Variants in PCDHA3 observed in about 807,000 individuals in gnomAD.
PCDHA3 encodes protocadherin alpha-3.
PCDHA3 carries 41 observed loss-of-function variants against 62.2 expected under a neutral mutation model. The ratio of observed to expected loss-of-function variants is 0.66; its 90% CI spans 0.51 to 0.86. PCDHA3 has a LOEUF of 0.86. PCDHA3 is among the 40% of genes least tolerant of loss of function. PCDHA3 has a pLI of 0.00. For synonymous variants in PCDHA3, 640 were observed against 555.4 expected, an observed-to-expected ratio of 1.15 and a Z score of -2.14; for missense variants, 1,304 against 1,241.2, an observed-to-expected ratio of 1.05 and a Z score of -0.76.
chr5:140,920,387 A>G (rs1163833842), intron 1 of PCDHA3, among the ~76,000 whole-genome samples: 3 of 152,098 alleles, frequency 2.0e-5, no homozygotes, highest in African/African-American at 7.2e-5. Context: ...TCATATTACC[A>G]TCTGGTGTCT....
At chr5:140,829,894 A>C (rs201316180) in intron 1 of PCDHA3, 21 of 1,613,840 alleles carry the variant, frequency 1.3e-5, no homozygotes, top group Non-Finnish European at 1.7e-5. Context: ...ACGCCGACTC[A>C]GGCTACAACG....
Position 140,928,590 on chromosome 5 carries a change from A to G in PCDHA3, c.2395-50359A>G, listed in dbSNP as rs78699363. The G allele has an allele frequency of 6.8e-4, 1,101 of 1,614,224 alleles. 1 individual carries two copies. Among genetic ancestry groups the G allele is most frequent in the Non-Finnish European group, 8.8e-4 (1,041 of 1,180,028 alleles). On this transcript the variant is annotated intron_variant, in intron 1 of 3. Coordinates refer to ENST00000522353, the MANE Select transcript of PCDHA3 (RefSeq NM_018906.3). ...CCTTGCCCAGAAATGGTTCTGTCCC[A>G]GTGGAAATTGTGCCCCGCTCTGCCA...
At chr5:140,940,564 T>G (rs1481591678) in intron 1 of PCDHA3, among the ~76,000 whole-genome samples, 2 of 152,228 alleles carry the variant, frequency 1.3e-5, no homozygotes, top group African/African-American at 4.8e-5. Flanking sequence ...TTCTCCTACC[T>G]TGGCTCCCAA....
At position 140,837,471 on chromosome 5, in the gene PCDHA3, C is replaced by T. The variant is rs2150275751; in HGVS notation, c.2394+33880C>T. Among the ~76,000 whole-genome samples, 442 of 151,506 alleles carry T rather than the reference C, an allele frequency of 2.9e-3. 6 individuals are homozygous for T. The highest frequency in any genetic ancestry group is 0.01 in the African/African-American group (420 of 41,194). On this transcript the variant is annotated intron_variant, in intron 1 of 3. Coordinates refer to ENST00000522353, the MANE Select transcript of PCDHA3 (RefSeq NM_018906.3). ...TAAAAAATCTCCTTGCCTCCTCAAA[C>T]CCCAAACCATTTACTTTACCTTTCT... is the stretch of plus-strand genomic sequence containing the variant.
At chr5:140,842,015 G>C in intron 1 of PCDHA3, 1 of 1,613,814 alleles carries the variant, frequency 6.2e-7, no homozygotes, top group East Asian at 2.2e-5. Flanking sequence ...GCTGGTCACA[G>C]TGCTGGATGT....
At chr5:140,890,753 C>G (rs1274674281) in intron 1 of PCDHA3, among the ~76,000 whole-genome samples, 1 of 152,114 alleles carries the variant, frequency 6.6e-6, no homozygotes, top group African/African-American at 2.4e-5. Context: ...TTCTGTCATG[C>G]TTTAAAAATA....
intron 1 of PCDHA3, chr5:140,842,054 T>A (rs1461509081): frequency 6.2e-7 from 1 of 1,613,638 alleles, no homozygotes; most frequent in Non-Finnish European, 8.5e-7. Context: ...TTTCGAACAG[T>A]CTGAATACGA....
intron 1 of PCDHA3, chr5:140,834,510 A>C: frequency 1.2e-6 from 2 of 1,614,108 alleles, no homozygotes; most frequent in Non-Finnish European, 1.7e-6. Flanking sequence ...TAAACATGGC[A>C]ACTTCGTGGG....
In PCDHA3 at chr5:140,967,658, A is replaced by C. The variant is rs1554229743; in HGVS notation, c.2395-11291A>C. ...TGGTGAGCTCAGGTACTCCTTGAGC[A>C]GCTACACGTCGGACCGGGAGAGGCA... On this transcript the variant is annotated intron_variant, in intron 1 of 3. Coordinates refer to ENST00000522353, the MANE Select transcript of PCDHA3 (RefSeq NM_018906.3). 3 of 1,614,058 alleles carry C rather than the reference A, an allele frequency of 1.9e-6. No individual in the cohort carries two copies. The highest frequency in any genetic ancestry group is 1.7e-5 in the Admixed American group (1 of 60,008).
chr5:140,933,332 G>A (rs2089060279), intron 1 of PCDHA3, among the ~76,000 whole-genome samples: 1 of 151,968 alleles, frequency 6.6e-6, no homozygotes, highest in African/African-American at 2.4e-5. Context: ...CTGTGCTGTA[G>A]AGAAAGATAA....
intron 1 of PCDHA3, among the ~76,000 whole-genome samples, chr5:140,887,774 C>G (rs2061572628): frequency 6.6e-6 from 1 of 152,168 alleles, no homozygotes; most frequent in Non-Finnish European, 1.5e-5. Context: ...TACAATGACA[C>G]AGGTCATTGA....
At position 140,850,251 on chromosome 5, in the gene PCDHA3, G is replaced by T. The variant is rs1562466738; in HGVS notation, c.2394+46660G>T. 1.1e-5 allele frequency: 18 copies of T among 1,594,126 alleles called. 3 individuals are homozygous for T. The highest frequency in any genetic ancestry group is 1.4e-5 in the Non-Finnish European group (16 of 1,167,218). On this transcript the variant is annotated intron_variant, in intron 1 of 3. Coordinates refer to ENST00000522353, the MANE Select transcript of PCDHA3 (RefSeq NM_018906.3). ...GAGCGAGATGGTGCTGCGGTCGGTG[G>T]GCGCCGGCGTAGTGGTGGGGAAGGT...
intron 1 of PCDHA3, chr5:140,856,217 G>C: frequency 6.3e-7 from 1 of 1,598,130 alleles, no homozygotes; most frequent in Non-Finnish European, 8.6e-7. Flanking sequence ...GGAGCTGGCG[G>C]AGCTGGTGCA....
chr5:140,853,709 T>C lies in PCDHA3; in HGVS notation c.2394+50118T>C, dbSNP rs1554146825. 2.0e-6 allele frequency: 2 copies of C among 988,258 alleles called. 1 individual carries two copies. The highest frequency in any genetic ancestry group is 2.4e-6 in the Non-Finnish European group (2 of 820,296). The allele number at this position is 988,258 out of a possible 1,614,324, so 61.2% of individuals were successfully genotyped here. A position where few individuals can be genotyped will look rare whatever the true frequency, so the allele number is the denominator to read the frequency against. On this transcript the variant is annotated intron_variant, in intron 1 of 3. Transcript: ENST00000522353. ...CCTTAGACCTGCTAACGCATTAGCA[T>C]TAGCAGCACCTAAGTCCTCATTGAA...
At chr5:140,962,932 TC>T (rs1188109186) in intron 1 of PCDHA3, among the ~76,000 whole-genome samples, 20 of 152,266 alleles carry the variant, frequency 1.3e-4, no homozygotes, top group African/African-American at 4.3e-4. Flanking sequence ...CTTCTCAACC[TC>T]CTCTCCATAA....
intron 3 of PCDHA3, among the ~76,000 whole-genome samples, chr5:140,997,644 ATGCAATAT>A (rs1287449551): frequency 7.9e-5 from 12 of 151,656 alleles, no homozygotes; most frequent in African/African-American, 2.9e-4. Flanking sequence ...AAATGGGATA[ATGCAATAT>A]GTATTATTAT....
chr5:140,977,844 G>A (rs2096777589), intron 1 of PCDHA3, among the ~76,000 whole-genome samples: 1 of 152,136 alleles, frequency 6.6e-6, no homozygotes, highest in Admixed American at 6.5e-5. Context: ...TATTACTATG[G>A]CTTTGTTTCT....
intron 1 of PCDHA3, among the ~76,000 whole-genome samples, chr5:140,944,313 G>A (rs2093639720): frequency 6.6e-6 from 1 of 152,066 alleles, no homozygotes; most frequent in Non-Finnish European, 1.5e-5. Context: ...TCAGCCTCCT[G>A]AGTAGCTGGG....
At chr5:140,851,973 C>A in intron 1 of PCDHA3, 1 of 976,422 alleles carries the variant, frequency 1.0e-6, no homozygotes, top group African/African-American at 1.8e-5. Flanking sequence ...CCACACTCTA[C>A]CTTTAGTGCA....
Sources: allele counts gnomAD v4.1 joint callset (sites outside exome capture counted in the v4.1 genomes callset), GRCh38; gene constraint gnomAD v4.1.1; transcripts MANE v1.5; gene names NCBI Gene and HGNC (gene_info 2026-07-23, HGNC 2026-07-21).